UBE2E2: variants seen among roughly 807,000 people sequenced by gnomAD.
UBE2E2 encodes the protein ubiquitin conjugating enzyme E2 E2, also known as ubiquitin-conjugating enzyme E2 E2.
UBE2E2 carries 6 observed loss-of-function variants against 24.7 expected under a neutral mutation model. The observed-to-expected ratio is 0.24, with a 90% confidence interval of 0.13 to 0.48. The LOEUF (loss-of-function observed/expected upper bound fraction) is 0.48. UBE2E2 is among the 20% of genes least tolerant of loss of function. UBE2E2 has a pLI of 0.99. For missense variants in UBE2E2, 169 were observed against 245.0 expected (o/e 0.69, Z 2.07); for synonymous variants, 104 against 83.6 (o/e 1.24, Z -1.33).
intron 3 of UBE2E2, among the ~76,000 whole-genome samples, chr3:23,291,800 A>G (rs372535504): frequency 2.2e-5 from 3 of 138,698 alleles, no homozygotes; most frequent in East Asian, 2.1e-4. Context: ...CTCTCACCTC[A>G]GCCTTCTGAG....
chr3:23,250,849 C>G (rs1433740969), intron 3 of UBE2E2, among the ~76,000 whole-genome samples: 2 of 152,110 alleles, frequency 1.3e-5, no homozygotes, highest in African/African-American at 4.8e-5. Context: ...CTTCTCAGTC[C>G]TCTGTGGCAG....
rs368121085 is a variant in UBE2E2, at chr3:23,219,790, T to G, written c.227+2478T>G. On this transcript the variant is annotated intron_variant, in intron 3 of 5. Transcript: ENST00000396703. The stretch of plus-strand genomic sequence containing the variant: ...TTAGTCTGCTATCACATGTAAAGAT[T>G]ATATGTGAGGGAACATCTGTGGGTT... 8.2e-4 allele frequency among the ~76,000 whole-genome samples: 125 copies of G among 152,300 alleles called. 2 individuals carry two copies. The South Asian group carries it at 0.025, about 30-fold the overall frequency.
chr3:23,456,553 C>T (rs1698684023), intron 3 of UBE2E2, among the ~76,000 whole-genome samples: 1 of 152,216 alleles, frequency 6.6e-6, no homozygotes, highest in Non-Finnish European at 1.5e-5. Flanking sequence ...CAACATTCAT[C>T]TCCTTATACA....
chr3:23,547,221 A>G (rs1695545422), intron 5 of UBE2E2, among the ~76,000 whole-genome samples: 1 of 152,182 alleles, frequency 6.6e-6, no homozygotes, highest in African/African-American at 2.4e-5. Context: ...TCCAACAATA[A>G]GACATTTTTT....
intron 3 of UBE2E2, among the ~76,000 whole-genome samples, chr3:23,244,121 C>T (rs1284108833): frequency 2.4e-5 from 2 of 83,782 alleles, no homozygotes; most frequent in Non-Finnish European, 4.6e-5. Flanking sequence ...AAAATGTACC[C>T]TGCATTTCAT....
chr3:23,488,819 C>A (rs1265560929), intron 3 of UBE2E2, among the ~76,000 whole-genome samples: 1 of 152,118 alleles, frequency 6.6e-6, no homozygotes, highest in African/African-American at 2.4e-5. Context: ...AAGAAATATT[C>A]TTTGCTACAT....
At chr3:23,446,905 G>T (rs529706006) in intron 3 of UBE2E2, among the ~76,000 whole-genome samples, 93 of 152,100 alleles carry the variant, frequency 6.1e-4, no homozygotes, top group African/African-American at 2.2e-3. Flanking sequence ...AGGTCCCCCA[G>T]TATTGGTGTA....
intron 3 of UBE2E2, among the ~76,000 whole-genome samples, chr3:23,325,213 A>G (rs1266564847): frequency 6.6e-6 from 1 of 152,108 alleles, no homozygotes; most frequent in Non-Finnish European, 1.5e-5. Flanking sequence ...CAATAAAGCT[A>G]TTGTGTGTTT....
At chr3:23,471,851 T>G (rs1361077621) in intron 3 of UBE2E2, among the ~76,000 whole-genome samples, 1 of 152,080 alleles carries the variant, frequency 6.6e-6, no homozygotes, top group Non-Finnish European at 1.5e-5. Flanking sequence ...AAAATCACTT[T>G]GTGAAAACAA....
chr3:23,211,194 C>T (rs1696312440), intron 2 of UBE2E2, among the ~76,000 whole-genome samples: 1 of 152,082 alleles, frequency 6.6e-6, no homozygotes, highest in Admixed American at 6.6e-5. Context: ...GATCTTAGTA[C>T]TAGTGTGTTC....
intron 3 of UBE2E2, among the ~76,000 whole-genome samples, chr3:23,240,272 G>A (rs1048635444): frequency 2.6e-5 from 4 of 152,070 alleles, no homozygotes; most frequent in African/African-American, 4.8e-5. Context: ...CTTTAGCTTA[G>A]CATTGCTTAC....
intron 5 of UBE2E2, among the ~76,000 whole-genome samples, chr3:23,576,812 A>G (rs1224188361): frequency 6.6e-6 from 1 of 152,180 alleles, no homozygotes; most frequent in Admixed American, 6.5e-5. Context: ...GAATGAGTGC[A>G]TGGGCTCCCG....
At chr3:23,464,346 C>T (rs1015333455) in intron 3 of UBE2E2, among the ~76,000 whole-genome samples, 31 of 152,070 alleles carry the variant, frequency 2.0e-4, no homozygotes, top group African/African-American at 7.0e-4. Context: ...GATTAACTAC[C>T]CTCAAGCAGT....
intron 5 of UBE2E2, among the ~76,000 whole-genome samples, chr3:23,578,024 A>AAG (rs1455537313): frequency 1.5e-4 from 23 of 152,144 alleles, no homozygotes; most frequent in South Asian, 1.2e-3. Flanking sequence ...AAAAAAAAAA[A>AAG]AAGATTCTTT....
chr3:23,452,030 G>C (rs9836574), intron 3 of UBE2E2, among the ~76,000 whole-genome samples: 70,434 of 152,042 alleles, frequency 0.46, 16,887 homozygotes, highest in East Asian at 0.59. Flanking sequence ...TATGGAAAAG[G>C]TTGGTGGTGA....
chr3:23,220,594 C>G (rs1039558224), intron 3 of UBE2E2, among the ~76,000 whole-genome samples: 5 of 152,136 alleles, frequency 3.3e-5, no homozygotes, highest in Admixed American at 2.0e-4. Context: ...ACATAACTGA[C>G]CCATGACATT....
At chr3:23,339,162 A>G (rs536653723) in intron 3 of UBE2E2, among the ~76,000 whole-genome samples, 1 of 152,320 alleles carries the variant, frequency 6.6e-6, no homozygotes, top group African/African-American at 2.4e-5. Context: ...GACAAAATGC[A>G]TATCCTGAAT....
At chr3:23,233,707 A>G (rs1034296760) in intron 3 of UBE2E2, among the ~76,000 whole-genome samples, 8 of 152,170 alleles carry the variant, frequency 5.3e-5, no homozygotes, top group Non-Finnish European at 1.0e-4. Flanking sequence ...ATGGACCCCA[A>G]AGAGAACATT....
intron 3 of UBE2E2, chr3:23,273,793 T>G (rs903544009): frequency 6.6e-6 from 1 of 152,390 alleles, no homozygotes; most frequent in Non-Finnish European, 1.5e-5. Flanking sequence ...ACATGCTGGT[T>G]AAAATATGAC....
Sources: gnomAD v4.1 joint callset for allele counts (sites outside exome capture counted in the v4.1 genomes callset) on GRCh38, gnomAD v4.1.1 for gene constraint, MANE v1.5 for transcripts, NCBI Gene and HGNC (gene_info 2026-07-23, HGNC 2026-07-21) for gene names.